The following MPZL3 variants were observed in gnomAD, a reference collection of about 807,000 sequenced individuals.
The protein encoded by MPZL3 is myelin protein zero like 3.
Under a neutral mutation model 24.8 loss-of-function variants are expected in MPZL3, and 23 were observed. The ratio of observed to expected loss-of-function variants is 0.93; its 90% confidence interval spans 0.67 to 1.31. The LOEUF (loss-of-function observed/expected upper bound fraction) is 1.31. MPZL3 is among the 40% of genes most tolerant of loss of function. The pLI, the probability that MPZL3 is intolerant of heterozygous loss-of-function variation, is 0.00. For missense variants in MPZL3, 277 were observed against 294.9 expected (o/e 0.94, Z 0.44); for synonymous variants, 99 against 106.5 (o/e 0.93, Z 0.44).
chr11:118,230,846 T>C (rs866615716), intron 5 of MPZL3, among the ~76,000 whole-genome samples: 2 of 152,296 alleles, frequency 1.3e-5, no homozygotes, highest in Middle Eastern at 3.4e-3. Flanking sequence ...AAGGTCAACA[T>C]CTCCACTCCA....
chr11:118,246,480 G>C (rs1193556580), intron 1 of MPZL3, among the ~76,000 whole-genome samples: 1 of 151,616 alleles, frequency 6.6e-6, no homozygotes, highest in African/African-American at 2.4e-5. Flanking sequence ...CTATGAGCTA[G>C]GAGGAAATGA....
intron 1 of MPZL3, among the ~76,000 whole-genome samples, chr11:118,246,031 G>A (rs1203988388): frequency 6.6e-6 from 1 of 152,090 alleles, no homozygotes; most frequent in Non-Finnish European, 1.5e-5. Flanking sequence ...AATCTCTTTA[G>A]TTTCCCTCCA....
chr11:118,240,966 T>C (rs997983749), intron 1 of MPZL3, among the ~76,000 whole-genome samples: 1 of 152,348 alleles, frequency 6.6e-6, no homozygotes, highest in Non-Finnish European at 1.5e-5. Flanking sequence ...TCCCTTTTTC[T>C]TAAAGCTGGC....
intron 2 of MPZL3, 151 bp from the exon 3 acceptor site, chr11:118,237,411 A>C: frequency 1.5e-6 from 1 of 665,038 alleles, no homozygotes; most frequent in Non-Finnish European, 2.6e-6. Context: ...TCCATCCTAT[A>C]GGTTAATAAA....
At chr11:118,242,041 CT>C (rs1458949713) in intron 1 of MPZL3, among the ~76,000 whole-genome samples, 4 of 152,232 alleles carry the variant, frequency 2.6e-5, no homozygotes, top group African/African-American at 9.7e-5. Context: ...CAAGATCTAG[CT>C]CTAAAAACTG....
chr11:118,251,760 G>A (rs1949621794), intron 1 of MPZL3, among the ~76,000 whole-genome samples: 1 of 152,012 alleles, frequency 6.6e-6, no homozygotes. Flanking sequence ...TCATTTTATA[G>A]ACTACAATAA....
chr11:118,252,154 A>C, intron 1 of MPZL3, 68 bp downstream of exon 1: 1 of 1,545,442 alleles, frequency 6.5e-7, no homozygotes, highest in Non-Finnish European at 8.9e-7. Context: ...CCTACCCGGA[A>C]CCGGAAAAGC....
rs1467804027 is a variant in MPZL3, at chr11:118,228,049, C to A, written c.*1845G>T. The A allele has an allele frequency of 1.3e-5, 2 of 152,146 alleles. No individual in the cohort carries two copies. The highest frequency in any genetic ancestry group is 1.3e-4 in the Admixed American group (2 of 15,272). 9.4% of individuals were successfully genotyped at this position (152,146 alleles called of 1,614,324 possible). A position where few individuals can be genotyped will look rare whatever the true frequency, so the allele number is the denominator to read the frequency against. On this transcript the variant is annotated 3_prime_UTR_variant, in exon 6 of 6. Transcript: ENST00000278949. ...AGTCCCAAAGTACCGTGAGGTTTAA[C>A]CACTGGAAATGTAAACTGCCGGTCC...
chr11:118,238,715 G>T (rs1231511146), intron 2 of MPZL3, among the ~76,000 whole-genome samples: 10 of 151,990 alleles, frequency 6.6e-5, no homozygotes, highest in Non-Finnish European at 1.5e-5. Flanking sequence ...TCTCTAATGT[G>T]CTAGGCATTG....
At position 118,237,361 on chromosome 11, in the gene MPZL3, G is replaced by T; in HGVS notation, c.241-101C>A. The T allele has an allele frequency of 4.6e-6, 5 of 1,080,528 alleles. No homozygotes were observed. The South Asian group carries it at 5.9e-5, about 13-fold the overall frequency. 66.9% of individuals were successfully genotyped at this position (1,080,528 alleles called of 1,614,324 possible). ...ATAAAATACAACTGTATAATGGTGT[G>T]TTTTTTTTCAGTTGGGCAACTTTTT... On this transcript the variant is annotated intron_variant, in intron 2 of 5. Transcript: ENST00000278949.
intron 1 of MPZL3, among the ~76,000 whole-genome samples, chr11:118,240,785 T>A (rs1403577016): frequency 1.6e-5 from 2 of 123,428 alleles, no homozygotes; most frequent in South Asian, 2.4e-4. Context: ...ACACACACAC[T>A]CTGGGAATAT....
chr11:118,233,124 G>T (rs1013183231), intron 5 of MPZL3, among the ~76,000 whole-genome samples: 2 of 152,108 alleles, frequency 1.3e-5, no homozygotes, highest in Admixed American at 1.3e-4. Flanking sequence ...TAAATTCAGG[G>T]TCGAGTCCAG....
At chr11:118,233,956 G>A (rs889963818) in intron 4 of MPZL3, among the ~76,000 whole-genome samples, 1 of 152,150 alleles carries the variant, frequency 6.6e-6, no homozygotes, top group Non-Finnish European at 1.5e-5. Flanking sequence ...TTACACCACT[G>A]CACTCCAGCC....
At position 118,240,204 on chromosome 11, in the gene MPZL3, CACTT is replaced by C; in HGVS notation, c.240+3_240+6del. 1.3e-6 allele frequency: 2 copies of C among 1,537,214 alleles called. No homozygotes were observed. Among genetic ancestry groups the C allele is most frequent in the Non-Finnish European group, 1.7e-6 (2 of 1,150,554 alleles). On this transcript the variant is annotated splice_donor_5th_base_variant and intron_variant, in intron 2 of 5. Coordinates refer to ENST00000278949, the MANE Select transcript of MPZL3 (RefSeq NM_198275.3). ...CAAAGGAACATTCCGAAAAAGTACA[CACTT>C]ACTGATACTGTGTGGCTGCTGCTGG... is the stretch of plus-strand genomic sequence containing the variant.
At position 118,252,241 on chromosome 11, in the gene MPZL3, C is replaced by A. The variant is rs777982556; in HGVS notation, c.54G>T (p.Leu18=). 2 of 1,613,946 alleles carry A rather than the reference C, an allele frequency of 1.2e-6. No homozygotes were observed. The highest frequency in any genetic ancestry group is 1.7e-6 in the Non-Finnish European group (2 of 1,179,990). The part of the protein sequence containing the change: ...GSRGCALFPL[L]GVLFFQGVYI... ...ACTCACCCTGGAAGAACAGGACGCC[C>A]AGCAGAGGGAAGAGAGCGCAGCCAC... The change falls in exon 1 of 6, where the codon CTG becomes CTT. Residue 18 remains leucine (L), a synonymous_variant. Coordinates refer to ENST00000278949, the MANE Select transcript of MPZL3 (RefSeq NM_198275.3).
intron 1 of MPZL3, among the ~76,000 whole-genome samples, chr11:118,250,258 C>A (rs964311786): frequency 7.0e-6 from 1 of 142,066 alleles, no homozygotes; most frequent in Non-Finnish European, 1.5e-5. Flanking sequence ...CTTCTGACCT[C>A]AAATGATCCA....
chr11:118,252,267 G>A lies in MPZL3; in HGVS notation c.28C>T (p.Arg10Cys). 3 of 1,613,972 alleles carry A rather than the reference G, an allele frequency of 1.9e-6. No individual in the cohort carries two copies. Among genetic ancestry groups the A allele is most frequent in the Non-Finnish European group, 2.5e-6 (3 of 1,179,966 alleles). Reference protein sequence around the residue: MQQRGAAGSRGCALFPLLGV... With the variant: MQQRGAAGSCGCALFPLLGV... ...AGCAGAGGGAAGAGAGCGCAGCCAC[G>A]GCTTCCAGCTGCTCCTCTCTGCTGC... The change falls in exon 1 of 6, where the codon CGT becomes TGT. Residue 10 changes from arginine to cysteine, a missense_variant. Arg to Cys is a radical substitution (Grantham distance 180). Coordinates refer to ENST00000278949, the MANE Select transcript of MPZL3 (RefSeq NM_198275.3).
rs1949321579 is a variant in MPZL3, at chr11:118,229,560, A to G, written c.*334T>C. On this transcript the variant is annotated 3_prime_UTR_variant, in exon 6 of 6. Transcript: ENST00000278949. ...GGCAAACATTCAAAATTCTCCTTCA[A>G]ACAGTTGGAAGAAAACATGTAATAC... 1 of 206,948 alleles carries G rather than the reference A, an allele frequency of 4.8e-6. No individual in the cohort carries two copies. The highest frequency in any genetic ancestry group is 1.1e-4 in the East Asian group (1 of 9,046). The allele number at this position is 206,948 out of a possible 1,614,324, so 12.8% of individuals were successfully genotyped here.
At position 118,233,531 on chromosome 11, in the gene MPZL3, A is replaced by G. The variant is rs1324444527; in HGVS notation, c.618-8T>C. ...TCCTCCTCCTGATCAGTGCTGTAAA[A>G]AGAGGACAAACCAAATCTGAATCAC... On this transcript the variant is annotated splice_region_variant and splice_polypyrimidine_tract_variant and intron_variant, in intron 4 of 5. Transcript: ENST00000278949. 1 of 1,613,710 alleles carries G rather than the reference A, an allele frequency of 6.2e-7. No homozygotes were observed. The highest frequency in any genetic ancestry group is 8.5e-7 in the Non-Finnish European group (1 of 1,179,818).
Sources: allele counts gnomAD v4.1 joint callset (sites outside exome capture counted in the v4.1 genomes callset), GRCh38; gene constraint gnomAD v4.1.1; transcripts MANE v1.5; gene names NCBI Gene and HGNC (gene_info 2026-07-23, HGNC 2026-07-21).